PIGL: variants seen among roughly 807,000 people sequenced by gnomAD.
The protein encoded by PIGL is phosphatidylinositol glycan anchor biosynthesis class L.
In PIGL, 22 loss-of-function variants were observed where a neutral mutation model predicts 31.1. That is an observed-to-expected ratio of 0.71 (90% CI 0.51 to 1.01). The LOEUF (loss-of-function observed/expected upper bound fraction) is 1.01. PIGL is among the 50% of genes least tolerant of loss of function. PIGL has a pLI of 0.00. For missense variants in PIGL, 302 were observed against 315.9 expected (o/e 0.96, Z 0.33); for synonymous variants, 131 against 117.4 (o/e 1.12, Z -0.75).
chr17:16,263,099 G>C (rs888929692), intron 2 of PIGL, among the ~76,000 whole-genome samples: 6 of 151,462 alleles, frequency 4.0e-5, no homozygotes, highest in Middle Eastern at 6.8e-3. Flanking sequence ...TATTTGGGGG[G>C]GGGGGATGAA....
In PIGL at chr17:16,286,039, T is replaced by C. The variant is rs2092936015; in HGVS notation, c.336-13849T>C. 2.6e-5 allele frequency among the ~76,000 whole-genome samples: 4 copies of C among 152,350 alleles called. No homozygotes were observed. In the South Asian group the frequency reaches 8.3e-4, roughly 32 times the overall value. On this transcript the variant is annotated intron_variant, in intron 2 of 6. Transcript: ENST00000225609. ...AGGCTTCCACGTCCTTGGCTAGCCTTAAGGTTAGCTCTGAACTCTACTGAC... is the reference window on the plus strand; with the variant it reads ...AGGCTTCCACGTCCTTGGCTAGCCTCAAGGTTAGCTCTGAACTCTACTGAC...
At chr17:16,256,789 G>A (rs1428378157) in intron 2 of PIGL, among the ~76,000 whole-genome samples, 4 of 151,948 alleles carry the variant, frequency 2.6e-5, no homozygotes, top group African/African-American at 9.7e-5. Context: ...CTGCCTCCTG[G>A]GCTCAAGTGA....
At chr17:16,219,574 A>C (rs140154453) in intron 1 of PIGL, among the ~76,000 whole-genome samples, 16 of 149,928 alleles carry the variant, frequency 1.1e-4, no homozygotes, top group African/African-American at 3.9e-4. Flanking sequence ...TTTTTTGTTT[A>C]GTTTTCTTTT....
Position 16,217,436 on chromosome 17 carries a change from G to T in PIGL, c.210G>T (p.Trp70Cys). 1 of 1,614,126 alleles carries T rather than the reference G, an allele frequency of 6.2e-7. No homozygotes were observed. The highest frequency in any genetic ancestry group is 8.5e-7 in the Non-Finnish European group (1 of 1,179,960). ...TVLGLARLRH[W>C]VYLLCFSAGN... is the part of the protein sequence containing the mutation. The stretch of plus-strand genomic sequence containing the variant: ...TAGGCTTGGCCCGCCTAAGGCACTG[G>T]GTGTACCTGCTTTGCTTCTCTGCAG... The change falls in exon 1 of 7, where the codon TGG (tryptophan) becomes TGT (cysteine). Residue 70 changes from tryptophan (W) to cysteine (C), a missense_variant. Trp to Cys is a radical substitution (Grantham distance 215, BLOSUM62 -2). Coordinates refer to ENST00000225609, the MANE Select transcript of PIGL (RefSeq NM_004278.4).
intron 1 of PIGL, among the ~76,000 whole-genome samples, chr17:16,224,485 T>C (rs911219475): frequency 8.6e-5 from 13 of 151,610 alleles, no homozygotes; most frequent in African/African-American, 3.1e-4. Context: ...TTTTGTATTT[T>C]TAGTAGAGAC....
At chr17:16,283,454 C>A (rs1381387914) in intron 2 of PIGL, among the ~76,000 whole-genome samples, 1 of 151,816 alleles carries the variant, frequency 6.6e-6, no homozygotes, top group Non-Finnish European at 1.5e-5. Flanking sequence ...GATGACAGAG[C>A]AAGACCCTAT....
rs561522845 is a variant in PIGL at position 16,231,101 on chromosome 17, G to T, written c.236-2870G>T. Among the ~76,000 whole-genome samples, 63 of 135,486 alleles carry T rather than the reference G, an allele frequency of 4.6e-4. 1 individual carries two copies. The South Asian group carries it at 0.014, about 30-fold the overall frequency. The allele number at this position is 135,486 out of a possible 152,430, so 88.9% of individuals were successfully genotyped here. A position where few individuals can be genotyped will look rare whatever the true frequency, so the allele number is the denominator to read the frequency against. On this transcript the variant is annotated intron_variant, in intron 1 of 6. Coordinates refer to ENST00000225609, the MANE Select transcript of PIGL (RefSeq NM_004278.4). ...TTTTTTTTTTTTTTGGTAGAGAGAG[G>T]TCTTGCTATATTCCCCAGCCTGGTC...
chr17:16,272,430 A>G (rs2092876819), intron 2 of PIGL, among the ~76,000 whole-genome samples: 1 of 152,142 alleles, frequency 6.6e-6, no homozygotes, highest in East Asian at 1.9e-4. Context: ...GGTTCTTTCC[A>G]TATTTGTTTG....
intron 6 of PIGL, among the ~76,000 whole-genome samples, chr17:16,324,130 A>G (rs1600873419): frequency 1.5e-5 from 2 of 129,618 alleles, no homozygotes; most frequent in Admixed American, 7.9e-5. Context: ...CTAATTTTGG[A>G]TTTTTTTTTT....
rs1294056221 is a variant in PIGL at position 16,312,059 on chromosome 17, C to G, written c.427-1488C>G. On this transcript the variant is annotated intron_variant, in intron 3 of 6. Coordinates refer to ENST00000225609, the MANE Select transcript of PIGL (RefSeq NM_004278.4). ...CCGGGCAGAGGCGCCCCCAACCTCC[C>G]GGACGGGGTGGCTGGCCGGGTGGGG... Among the ~76,000 whole-genome samples the G allele has an allele frequency of 1.1e-4, 17 of 148,300 alleles. No homozygotes were observed. The East Asian group carries it at 2.6e-3, about 23-fold the overall frequency.
intron 2 of PIGL, among the ~76,000 whole-genome samples, chr17:16,237,280 G>C (rs2092703314): frequency 6.6e-6 from 1 of 151,256 alleles, no homozygotes; most frequent in African/African-American, 2.4e-5. Flanking sequence ...GCTAATTTTT[G>C]TATCTTTAGT....
chr17:16,260,530 G>C (rs553712863), intron 2 of PIGL, among the ~76,000 whole-genome samples: 2 of 152,280 alleles, frequency 1.3e-5, no homozygotes, highest in African/African-American at 4.8e-5. Flanking sequence ...GGGATGATTT[G>C]CCTGCGAATA....
chr17:16,318,151 T>C (rs951143740), intron 6 of PIGL, among the ~76,000 whole-genome samples: 3 of 152,184 alleles, frequency 2.0e-5, no homozygotes, highest in Non-Finnish European at 4.4e-5. Context: ...TAACACATGC[T>C]CATTGCAGAA....
chr17:16,227,795 G>C (rs539530394), intron 1 of PIGL, among the ~76,000 whole-genome samples: 16 of 151,578 alleles, frequency 1.1e-4, no homozygotes, highest in African/African-American at 3.6e-4. Context: ...GGTCAGGCTG[G>C]TCTCGAACTC....
At chr17:16,278,718 A>AG in intron 2 of PIGL, among the ~76,000 whole-genome samples, 1 of 152,046 alleles carries the variant, frequency 6.6e-6, no homozygotes, top group Admixed American at 6.6e-5. Flanking sequence ...CTAGGCAAAA[A>AG]AAAAAAATCC....
At chr17:16,298,228 C>G (rs888352366) in intron 2 of PIGL, among the ~76,000 whole-genome samples, 4 of 152,066 alleles carry the variant, frequency 2.6e-5, no homozygotes, top group Non-Finnish European at 5.9e-5. Flanking sequence ...TGAAAAACCT[C>G]CAGTGACTCT....
chr17:16,274,895 G>A (rs1205184819), intron 2 of PIGL, among the ~76,000 whole-genome samples: 1 of 151,888 alleles, frequency 6.6e-6, no homozygotes, highest in African/African-American at 2.4e-5. Flanking sequence ...AGCCGAGTGT[G>A]GTGGCTTGCG....
chr17:16,227,191 C>T (rs1041846102), intron 1 of PIGL, among the ~76,000 whole-genome samples: 3 of 152,010 alleles, frequency 2.0e-5, no homozygotes, highest in African/African-American at 7.2e-5. Context: ...TCACTGCAAC[C>T]TCCACCTCTC....
chr17:16,287,024 AGTGT>A (rs1344530443), intron 2 of PIGL, among the ~76,000 whole-genome samples: 2 of 152,200 alleles, frequency 1.3e-5, no homozygotes, highest in Non-Finnish European at 2.9e-5. Flanking sequence ...TTTGGCACAT[AGTGT>A]GTGCTTAGTC....
Sources: allele counts gnomAD v4.1 joint callset (sites outside exome capture counted in the v4.1 genomes callset), GRCh38; gene constraint gnomAD v4.1.1; transcripts MANE v1.5; gene names NCBI Gene and HGNC (gene_info 2026-07-23, HGNC 2026-07-21).